Variants in C12orf43 observed in about 807,000 individuals in gnomAD.
The protein encoded by C12orf43 is chromosome 12 open reading frame 43, also known as protein CUSTOS.
In C12orf43, 15 loss-of-function variants were observed where a neutral mutation model predicts 20.6. The ratio of observed to expected loss-of-function variants is 0.73; its 90% CI spans 0.49 to 1.12. The LOEUF is 1.12. C12orf43 is among the 50% of genes most tolerant of loss of function. The probability of loss-of-function intolerance (pLI) is 0.00; values close to 1 mark genes in which losing one functional copy is unlikely to be tolerated. For synonymous variants in C12orf43, 144 were observed against 130.8 expected, an observed-to-expected ratio of 1.10 and a Z score of -0.69; for missense variants, 334 against 344.4, an observed-to-expected ratio of 0.97 and a Z score of 0.24.
At chr12:121,006,584 T>C in intron 3 of C12orf43, 190 bp from the exon 4 acceptor site, 1 of 578,026 alleles carries the variant, frequency 1.7e-6, no homozygotes, top group South Asian at 2.0e-5. Flanking sequence ...ACTGCAGTGC[T>C]TCATTTCTTT....
At chr12:121,010,971 C>G in intron 2 of C12orf43, 45 bp from the exon 3 acceptor site, 1 of 1,605,670 alleles carries the variant, frequency 6.2e-7, no homozygotes. Flanking sequence ...CGCTCAGAAG[C>G]TGTCCCCATG....
At position 121,004,862 on chromosome 12, in the gene C12orf43, G is replaced by T; in HGVS notation, c.452+141C>A. On this transcript the variant is annotated intron_variant, in intron 5 of 5. Transcript: ENST00000288757. This position sits in a 1 kb window ranked among gnomAD's most constrained non-coding sequence, Gnocchi z 5.6. ...CCAAGAGGGCTTTCCCTCCCGCTGA[G>T]CTCATGATTTCTCCAGCTGCCTGAC... 1 of 589,610 alleles carries T rather than the reference G, an allele frequency of 1.7e-6. No homozygotes were observed. Among genetic ancestry groups the T allele is most frequent in the Non-Finnish European group, 2.8e-6 (1 of 360,284 alleles). The allele number at this position is 589,610 out of a possible 1,614,324, so 36.5% of individuals were successfully genotyped here.
chr12:121,002,688 C>T lies in C12orf43; in HGVS notation c.*1465G>A. On this transcript the variant is annotated 3_prime_UTR_variant, in exon 6 of 6. Coordinates refer to ENST00000288757, the MANE Select transcript of C12orf43 (RefSeq NM_022895.3). Reference sequence around the variant, plus strand: ...TGACAAAGCCAGATTTCATCTTAACCTCAAGCTTCTACTTTTTAAAAAAAT... The same window carrying T: ...TGACAAAGCCAGATTTCATCTTAACTTCAAGCTTCTACTTTTTAAAAAAAT... 3.0e-6 allele frequency: 1 copy of T among 331,078 alleles called. No individual in the cohort carries two copies. 20.5% of individuals were successfully genotyped at this position (331,078 alleles called of 1,614,324 possible). A position where few individuals can be genotyped will look rare whatever the true frequency, so the allele number is the denominator to read the frequency against.
chr12:121,012,362 C>T (rs2264750), intron 1 of C12orf43: 228,863 of 701,514 alleles, frequency 0.33, 40,503 homozygotes, highest in East Asian at 0.53. Flanking sequence ...TGACGTGGGC[C>T]AATGGGAGGA....
At chr12:121,010,766 A>G (rs367643733) in intron 3 of C12orf43, 62 bp downstream of exon 3, 5 of 1,334,378 alleles carry the variant, frequency 3.7e-6, no homozygotes, top group African/African-American at 1.5e-5. Context: ...CTCCCAGCCA[A>G]TGTGAGCCAT....
Position 121,004,684 on chromosome 12 carries a change from T to C in C12orf43, c.453-195A>G, listed in dbSNP as rs944592649. Among the ~76,000 whole-genome samples the C allele has an allele frequency of 2.6e-5, 4 of 152,154 alleles. No individual in the cohort carries two copies. Among genetic ancestry groups the C allele is most frequent in the African/African-American group, 9.7e-5 (4 of 41,424 alleles). On this transcript the variant is annotated intron_variant, in intron 5 of 5. Coordinates refer to ENST00000288757, the MANE Select transcript of C12orf43 (RefSeq NM_022895.3). The surrounding 1 kb of genome is among the most constrained non-coding windows in gnomAD (Gnocchi z 5.6). ...GGGCGTAGCAGCCTTGTGACCTCCT[T>C]AAGTGACTTAACCTCTCTGACTGTA...
intron 4 of C12orf43, 95 bp downstream of exon 4, chr12:121,006,223 GAAA>G: frequency 4.5e-6 from 2 of 449,368 alleles, no homozygotes; most frequent in Non-Finnish European, 3.2e-6. Flanking sequence ...CTCAAAAAAA[GAAA>G]AAAAAAAAAG....
intron 1 of C12orf43, 117 bp downstream of exon 1, chr12:121,016,213 A>T: frequency 6.8e-7 from 1 of 1,466,684 alleles, no homozygotes; most frequent in Non-Finnish European, 9.4e-7. Context: ...CAGTCCCTGG[A>T]GGTCTCTCGG....
Position 121,003,634 on chromosome 12 carries a change from C to A in C12orf43, c.*519G>T. 1 of 154,072 alleles carries A rather than the reference C, an allele frequency of 6.5e-6. No individual in the cohort carries two copies. Among genetic ancestry groups the A allele is most frequent in the Admixed American group, 6.4e-5 (1 of 15,538 alleles). The allele number at this position is 154,072 out of a possible 1,614,324, so 9.5% of individuals were successfully genotyped here. A position where few individuals can be genotyped will look rare whatever the true frequency, so the allele number is the denominator to read the frequency against. On this transcript the variant is annotated 3_prime_UTR_variant, in exon 6 of 6. Transcript: ENST00000288757. The stretch of plus-strand genomic sequence containing the variant: ...TTCTAGAAAGCCAGGGGTGAAAAAG[C>A]TCTCCTTTCTCAGACGATTCTGTGA...
intron 3 of C12orf43, 34 bp downstream of exon 3, chr12:121,010,794 A>G (rs761051725): frequency 4.6e-6 from 7 of 1,507,444 alleles, no homozygotes; most frequent in South Asian, 1.3e-5. Context: ...CATATTAACA[A>G]GGGCAAGAGA....
In C12orf43 at chr12:121,005,594, A is replaced by G. The variant is rs1169449336; in HGVS notation, c.362-501T>C. Among the ~76,000 whole-genome samples the G allele has an allele frequency of 1.3e-5, 2 of 152,270 alleles. No homozygotes were observed. The highest frequency in any genetic ancestry group is 4.8e-5 in the African/African-American group (2 of 41,472). The stretch of plus-strand genomic sequence containing the variant: ...AGCACTTGAGCTCCTGACCTAAGGC[A>G]GCCTTCAAAGTGGCAAATGTGTTGG... On this transcript the variant is annotated intron_variant, in intron 4 of 5. Transcript: ENST00000288757. The surrounding 1 kb of genome is among the most constrained non-coding windows in gnomAD (Gnocchi z 5.6).
Position 121,000,981 on chromosome 12 carries a change from C to T in C12orf43, c.*3172G>A. On this transcript the variant is annotated 3_prime_UTR_variant, in exon 6 of 6. Coordinates refer to ENST00000288757, the MANE Select transcript of C12orf43 (RefSeq NM_022895.3). ...ATCCAGGAGGTGTGGCCCTGCCTCC[C>T]CATCCTGAGTACCCCTAGGGACAGG... 1 of 1,579,296 alleles carries T rather than the reference C, an allele frequency of 6.3e-7. No homozygotes were observed.
chr12:121,015,663 A>C (rs1868833035), intron 1 of C12orf43, among the ~76,000 whole-genome samples: 1 of 152,232 alleles, frequency 6.6e-6, no homozygotes, highest in Admixed American at 6.5e-5. Flanking sequence ...TTTTATCAAT[A>C]AAATGATATA....
At chr12:121,016,201 C>T in intron 1 of C12orf43, 129 bp downstream of exon 1, 1 of 1,402,826 alleles carries the variant, frequency 7.1e-7, no homozygotes, top group Non-Finnish European at 9.9e-7. Context: ...CTGCACTACA[C>T]CCAGTCCCTG....
rs117954748 is a variant in C12orf43, at chr12:121,003,062, C to T, written c.*1091G>A. On this transcript the variant is annotated 3_prime_UTR_variant, in exon 6 of 6. Transcript: ENST00000288757. ...TTTTTTTTGAGATAGGGTCTTGCTC[C>T]ATTGCTTAGGCTAGAGTGCAGTGGC... 0.025 allele frequency: 3,692 copies of T among 149,178 alleles called. 193 individuals carry two copies. The highest frequency in any genetic ancestry group is 0.23 in the East Asian group (1,149 of 4,994). The allele number at this position is 149,178 out of a possible 1,614,324, so 9.2% of individuals were successfully genotyped here. A position where few individuals can be genotyped will look rare whatever the true frequency, so the allele number is the denominator to read the frequency against.
intron 4 of C12orf43, 55 bp downstream of exon 4, chr12:121,006,266 A>G: frequency 1.3e-6 from 2 of 1,486,756 alleles, no homozygotes; most frequent in Non-Finnish European, 1.9e-6. Flanking sequence ...GCCCACCTCC[A>G]GACACACATT....
In C12orf43 at chr12:121,004,119, T is replaced by G; in HGVS notation, c.*34A>C. The G allele has an allele frequency of 1.9e-6, 3 of 1,606,450 alleles. No individual in the cohort carries two copies. The highest frequency in any genetic ancestry group is 2.6e-6 in the Non-Finnish European group (3 of 1,172,974). Reference sequence around the variant, plus strand: ...CAGGGTGGGGGGGACACCTTGTCCTTGGAGCTGGCTGAGCCCTGTGCCCAT... The same window carrying G: ...CAGGGTGGGGGGGACACCTTGTCCTGGGAGCTGGCTGAGCCCTGTGCCCAT... On this transcript the variant is annotated 3_prime_UTR_variant, in exon 6 of 6. Transcript: ENST00000288757. This position sits in a 1 kb window ranked among gnomAD's most constrained non-coding sequence, Gnocchi z 5.6.
chr12:121,002,110 G>A lies in C12orf43; in HGVS notation c.*2043C>T. ...GGGGCAGGAGTAGCTGAGCTCACAA[G>A]GCAGCAAGGCCCGAGCAGCTGAGCA... On this transcript the variant is annotated 3_prime_UTR_variant, in exon 6 of 6. Coordinates refer to ENST00000288757, the MANE Select transcript of C12orf43 (RefSeq NM_022895.3). 1.9e-6 allele frequency: 1 copy of A among 532,866 alleles called. No individual in the cohort carries two copies. Among genetic ancestry groups the A allele is most frequent in the Non-Finnish European group, 3.6e-6 (1 of 274,862 alleles). The allele number at this position is 532,866 out of a possible 1,614,324, so 33.0% of individuals were successfully genotyped here. A position where few individuals can be genotyped will look rare whatever the true frequency, so the allele number is the denominator to read the frequency against.
Position 121,002,668 on chromosome 12 carries a change from A to G in C12orf43, c.*1485T>C. On this transcript the variant is annotated 3_prime_UTR_variant, in exon 6 of 6. Coordinates refer to ENST00000288757, the MANE Select transcript of C12orf43 (RefSeq NM_022895.3). ...TTGCTCTGCTGAGACTCTAATGACA[A>G]AGCCAGATTTCATCTTAACCTCAAG... 2 of 338,138 alleles carry G rather than the reference A, an allele frequency of 5.9e-6. No individual in the cohort carries two copies. The highest frequency in any genetic ancestry group is 1.2e-5 in the Non-Finnish European group (2 of 172,324). 20.9% of individuals were successfully genotyped at this position (338,138 alleles called of 1,614,324 possible).
Sources: gnomAD v4.1 joint callset for allele counts (sites outside exome capture counted in the v4.1 genomes callset) on GRCh38, gnomAD v4.1.1 for gene constraint, Gnocchi (gnomAD v3.1) non-coding constraint, MANE v1.5 for transcripts, NCBI Gene and HGNC (gene_info 2026-07-23, HGNC 2026-07-21) for gene names.